The following USP6NL variants were observed in gnomAD, a reference collection of about 807,000 sequenced individuals.
USP6NL encodes the protein USP6 N-terminal like.
Under a neutral mutation model 61.9 loss-of-function variants are expected in USP6NL, and 26 were observed. The ratio of observed to expected loss-of-function variants is 0.42; its 90% confidence interval spans 0.31 to 0.58. USP6NL has a LOEUF of 0.58. USP6NL is among the 20% of genes least tolerant of loss of function. The probability of loss-of-function intolerance (pLI) is 0.16; values close to 1 mark genes in which losing one functional copy is unlikely to be tolerated. For missense variants in USP6NL, 1,114 were observed against 1,034.3 expected (o/e 1.08, Z -1.06); for synonymous variants, 432 against 390.1 (o/e 1.11, Z -1.27).
rs565687987 is a variant in USP6NL, at chr10:11,513,644, C to T, written c.196-3969G>A. On this transcript the variant is annotated intron_variant, in intron 5 of 14. Transcript: ENST00000609104. This position sits in a 1 kb window ranked among gnomAD's most constrained non-coding sequence, Gnocchi z 4.7. Reference sequence around the variant, plus strand: ...TTAGACAATCACGACATGAATAGTTCATCCCTAAATATTTCAAGTACGTAT... The same window carrying T: ...TTAGACAATCACGACATGAATAGTTTATCCCTAAATATTTCAAGTACGTAT... Among the ~76,000 whole-genome samples, 13 of 152,264 alleles carry T rather than the reference C, an allele frequency of 8.5e-5. No homozygotes were observed. The highest frequency in any genetic ancestry group is 1.6e-4 in the Non-Finnish European group (11 of 68,022).
At chr10:11,586,693 T>C (rs901073007) in intron 2 of USP6NL, among the ~76,000 whole-genome samples, 38 of 152,276 alleles carry the variant, frequency 2.5e-4, no homozygotes, top group African/African-American at 8.7e-4. Context: ...AATGTTGTGG[T>C]TAACAACAAG....
intron 4 of USP6NL, among the ~76,000 whole-genome samples, chr10:11,521,850 CTTCT>C (rs1345657757): frequency 6.6e-6 from 1 of 152,124 alleles, no homozygotes; most frequent in Non-Finnish European, 1.5e-5. Flanking sequence ...GTATGACTTC[CTTCT>C]AATTCTTCTA....
chr10:11,482,576 T>C lies in USP6NL; in HGVS notation c.926-654A>G, dbSNP rs1167870962. ...ATCCAAATTATACTTTTCAAGTTAT[T>C]CCCCTTTTTGCTTTTTTCCCCATTC... On this transcript the variant is annotated intron_variant, in intron 13 of 14. Transcript: ENST00000609104. The surrounding 1 kb of genome is among the most constrained non-coding windows in gnomAD (Gnocchi z 4.0). 6.6e-6 allele frequency among the ~76,000 whole-genome samples: 1 copy of C among 152,248 alleles called. No homozygotes were observed. The highest frequency in any genetic ancestry group is 1.5e-5 in the Non-Finnish European group (1 of 68,040).
rs1190766780 is a variant in USP6NL, at chr10:11,465,418, G to T, written c.1079-1569C>A. Among the ~76,000 whole-genome samples, 1 of 152,222 alleles carries T rather than the reference G, an allele frequency of 6.6e-6. No individual in the cohort carries two copies. The highest frequency in any genetic ancestry group is 1.5e-5 in the Non-Finnish European group (1 of 68,024). ...TCACAGGGGCAAAACTGGATTCGCT[G>T]CAGAGACTGTCACACTGAGCCCTGG... On this transcript the variant is annotated intron_variant, in intron 14 of 14. Coordinates refer to ENST00000609104, the MANE Select transcript of USP6NL (RefSeq NM_014688.5). This position sits in a 1 kb window ranked among gnomAD's most constrained non-coding sequence, Gnocchi z 4.5.
Position 11,532,735 on chromosome 10 carries a change from A to G in USP6NL, c.5-5168T>C, listed in dbSNP as rs940265683. ...ATGCTCCTCTCCTCAAATACATTTT[A>G]TATCTTAATGTAATTTTTAATAATA... On this transcript the variant is annotated intron_variant, in intron 2 of 14. Transcript: ENST00000609104. This position sits in a 1 kb window ranked among gnomAD's most constrained non-coding sequence, Gnocchi z 4.1. Among the ~76,000 whole-genome samples, 2 of 152,238 alleles carry G rather than the reference A, an allele frequency of 1.3e-5. No homozygotes were observed. The highest frequency in any genetic ancestry group is 4.8e-5 in the African/African-American group (2 of 41,464).
intron 4 of USP6NL, among the ~76,000 whole-genome samples, chr10:11,524,931 GAATT>G (rs1362180093): frequency 5.3e-5 from 8 of 152,106 alleles, no homozygotes; most frequent in Admixed American, 5.2e-4. Flanking sequence ...AGGATGAATG[GAATT>G]AATTTTGAGA....
intron 2 of USP6NL, among the ~76,000 whole-genome samples, chr10:11,577,388 A>C (rs925755519): frequency 6.6e-6 from 1 of 151,726 alleles, no homozygotes; most frequent in African/African-American, 2.4e-5. Context: ...ATCTTTCATT[A>C]GATTTATTTC....
chr10:11,469,722 C>T (rs571577355), intron 14 of USP6NL, among the ~76,000 whole-genome samples: 3 of 152,318 alleles, frequency 2.0e-5, no homozygotes, highest in African/African-American at 4.8e-5. Context: ...CTGGAGGCCC[C>T]GCACAGTGGG....
chr10:11,605,398 A>G (rs1564246257), intron 1 of USP6NL, among the ~76,000 whole-genome samples: 1 of 152,208 alleles, frequency 6.6e-6, no homozygotes, highest in Non-Finnish European at 1.5e-5. Context: ...AATAAAAGTG[A>G]TCCCAAGTGT....
intron 2 of USP6NL, among the ~76,000 whole-genome samples, chr10:11,554,947 C>G (rs1215741624): frequency 2.8e-5 from 4 of 141,514 alleles, no homozygotes; most frequent in Non-Finnish European, 1.6e-5. Flanking sequence ...CTACAGGTGC[C>G]TGCCACCATG....
intron 5 of USP6NL, among the ~76,000 whole-genome samples, chr10:11,515,018 T>C (rs1834895175): frequency 6.6e-6 from 1 of 152,228 alleles, no homozygotes. Context: ...CCTATTGTCT[T>C]AAGTTGATCT....
chr10:11,513,639 T>C lies in USP6NL; in HGVS notation c.196-3964A>G, dbSNP rs1834822251. On this transcript the variant is annotated intron_variant, in intron 5 of 14. Transcript: ENST00000609104. The surrounding 1 kb of genome is among the most constrained non-coding windows in gnomAD (Gnocchi z 4.7). ...GATCATTAGACAATCACGACATGAA[T>C]AGTTCATCCCTAAATATTTCAAGTA... Among the ~76,000 whole-genome samples, 3 of 152,234 alleles carry C rather than the reference T, an allele frequency of 2.0e-5. No homozygotes were observed. Among genetic ancestry groups the C allele is most frequent in the Non-Finnish European group, 2.9e-5 (2 of 68,038 alleles).
At chr10:11,550,480 G>GC (rs1836440778) in intron 2 of USP6NL, among the ~76,000 whole-genome samples, 1 of 152,192 alleles carries the variant, frequency 6.6e-6, no homozygotes, top group Admixed American at 6.5e-5. Context: ...AAGAGGCCGA[G>GC]CACTGTGGCT....
chr10:11,498,188 A>T (rs1253462603), intron 7 of USP6NL, among the ~76,000 whole-genome samples: 1 of 139,790 alleles, frequency 7.2e-6, no homozygotes, highest in Admixed American at 7.3e-5. Context: ...GTGAGCCGAG[A>T]TCACACCACT....
At chr10:11,603,448 T>A (rs1838614110) in intron 1 of USP6NL, among the ~76,000 whole-genome samples, 1 of 152,140 alleles carries the variant, frequency 6.6e-6, no homozygotes. Context: ...GCTCCATAGA[T>A]AAAAGTTAAA....
rs142382381 is a variant in USP6NL, at chr10:11,602,595, T to C, written c.-83-4878A>G. Among the ~76,000 whole-genome samples the C allele has an allele frequency of 2.2e-3, 340 of 152,280 alleles. 1 individual carries two copies. Among genetic ancestry groups the C allele is most frequent in the South Asian group, 9.3e-3 (45 of 4,824 alleles). ...TCCTTCATTGAGATTCACGGTTCAT[T>C]AGTTCAAATATATGTCAGGGCAGAC... is the stretch of plus-strand genomic sequence containing the variant. On this transcript the variant is annotated intron_variant, in intron 1 of 14. Transcript: ENST00000609104. The surrounding 1 kb of genome is among the most constrained non-coding windows in gnomAD (Gnocchi z 4.8).
chr10:11,525,304 TA>T lies in USP6NL; in HGVS notation c.155+81del. On this transcript the variant is annotated intron_variant, in intron 4 of 14. Coordinates refer to ENST00000609104, the MANE Select transcript of USP6NL (RefSeq NM_014688.5). The surrounding 1 kb of genome is among the most constrained non-coding windows in gnomAD (Gnocchi z 5.0). Reference sequence around the variant, plus strand: ...TATTCCTTATTCACAGCAATTATATTAAAAATAAAGAAAATCAATATAATAG... The same window carrying T: ...TATTCCTTATTCACAGCAATTATATTAAAATAAAGAAAATCAATATAATAG... 1 of 1,168,036 alleles carries T rather than the reference TA, an allele frequency of 8.6e-7. No homozygotes were observed. Among genetic ancestry groups the T allele is most frequent in the Non-Finnish European group, 1.2e-6 (1 of 831,524 alleles). The allele number at this position is 1,168,036 out of a possible 1,614,324, so 72.4% of individuals were successfully genotyped here. A position where few individuals can be genotyped will look rare whatever the true frequency, so the allele number is the denominator to read the frequency against.
In USP6NL at chr10:11,562,456, C is replaced by T. The variant is rs142349415; in HGVS notation, c.5-34889G>A. 479 of 985,300 alleles carry T rather than the reference C, an allele frequency of 4.9e-4. 1 individual carries two copies. In the East Asian group the frequency reaches 8.6e-3, roughly 18 times the overall value. 61.0% of individuals were successfully genotyped at this position (985,300 alleles called of 1,614,324 possible). A position where few individuals can be genotyped will look rare whatever the true frequency, so the allele number is the denominator to read the frequency against. ...AAGGATGAAGACGCAGCAGTCATCA[C>T]GTATCTCTGAGGACAAGGATTAAGT... On this transcript the variant is annotated intron_variant, in intron 2 of 14. Transcript: ENST00000609104. The surrounding 1 kb of genome is among the most constrained non-coding windows in gnomAD (Gnocchi z 4.8).
At chr10:11,514,057 C>T (rs936089324) in intron 5 of USP6NL, among the ~76,000 whole-genome samples, 1 of 152,224 alleles carries the variant, frequency 6.6e-6, no homozygotes, top group African/African-American at 2.4e-5. Flanking sequence ...AGCGATGATG[C>T]TACAGTTTCA....
Sources: allele counts gnomAD v4.1 joint callset (sites outside exome capture counted in the v4.1 genomes callset), GRCh38; gene constraint gnomAD v4.1.1; non-coding constraint Gnocchi (gnomAD v3.1); transcripts MANE v1.5; gene names NCBI Gene and HGNC (gene_info 2026-07-23, HGNC 2026-07-21).